The following MFAP3L variants were observed in gnomAD, a reference collection of about 807,000 sequenced individuals.
MFAP3L encodes microfibril associated protein 3 like.
Under a neutral mutation model 20.0 loss-of-function variants are expected in MFAP3L, and 5 were observed. The ratio of observed to expected loss-of-function variants is 0.25; its 90% CI spans 0.13 to 0.53. MFAP3L has a LOEUF of 0.53. MFAP3L is among the 20% of genes least tolerant of loss of function. The pLI is 0.96. For missense variants in MFAP3L, 409 were observed against 527.5 expected, an observed-to-expected ratio of 0.78 and a Z score of 2.20; for synonymous variants, 219 against 213.0, an observed-to-expected ratio of 1.03 and a Z score of -0.25.
intron 1 of MFAP3L, among the ~76,000 whole-genome samples, chr4:170,022,405 T>C (rs1196970716): frequency 1.3e-5 from 2 of 152,182 alleles, no homozygotes; most frequent in Admixed American, 1.3e-4. Context: ...TTCTCTATAA[T>C]AGGACAGAAT....
At chr4:170,008,574 G>A (rs1315019702) in intron 1 of MFAP3L, among the ~76,000 whole-genome samples, 1 of 152,162 alleles carries the variant, frequency 6.6e-6, no homozygotes, top group Non-Finnish European at 1.5e-5. Context: ...ATGTTCTCTA[G>A]GTGCTATGGG....
At chr4:170,006,115 C>CTTTTTT (rs11383582) in intron 1 of MFAP3L, 105 bp from the exon 2 acceptor site, 3 of 576,652 alleles carry the variant, frequency 5.2e-6, no homozygotes, top group African/African-American at 2.0e-5. Flanking sequence ...CATCAACATA[C>CTTTTTT]TTTTTTTTTT....
Position 170,005,620 on chromosome 4 carries a change from C to CTT in MFAP3L, c.256_257dup (p.Leu87SerfsTer3). The stretch of plus-strand genomic sequence containing the variant: ...TCTCATCCTCTTCTTCTTTCAGCAG[C>CTT]TTGCCAATGGAATTATACCACTTGA... On this transcript the variant is annotated frameshift_variant, in exon 2 of 3. Coordinates refer to ENST00000361618, the MANE Select transcript of MFAP3L (RefSeq NM_021647.8). LOFTEE classifies it high-confidence loss of function. 6.2e-7 allele frequency: 1 copy of CTT among 1,614,246 alleles called. No individual in the cohort carries two copies. Among genetic ancestry groups the CTT allele is most frequent in the Non-Finnish European group, 8.5e-7 (1 of 1,180,034 alleles).
chr4:170,020,623 C>A (rs555202924), intron 1 of MFAP3L, among the ~76,000 whole-genome samples: 2 of 124,314 alleles, frequency 1.6e-5, no homozygotes, highest in Non-Finnish European at 3.4e-5. Context: ...TCCCCCTCCC[C>A]CCTCCCTCCT....
Position 169,991,202 on chromosome 4 carries a change from T to C in MFAP3L, c.*176A>G. 1.5e-6 allele frequency: 1 copy of C among 654,416 alleles called. No individual in the cohort carries two copies. The highest frequency in any genetic ancestry group is 2.6e-6 in the Non-Finnish European group (1 of 386,226). 40.5% of individuals were successfully genotyped at this position (654,416 alleles called of 1,614,324 possible). On this transcript the variant is annotated 3_prime_UTR_variant, in exon 3 of 3. Transcript: ENST00000361618. This position sits in a 1 kb window ranked among gnomAD's most constrained non-coding sequence, Gnocchi z 4.9. ...TGATGTTTCTCGCACCCTTCTCTAC[T>C]GGGGAAATTCCAGTCCCATTCACTG...
At chr4:169,995,913 G>A (rs1738121641) in intron 2 of MFAP3L, among the ~76,000 whole-genome samples, 1 of 152,072 alleles carries the variant, frequency 6.6e-6, no homozygotes, top group Non-Finnish European at 1.5e-5. Context: ...CAGCCATCTC[G>A]CCATAACCTT....
chr4:170,013,106 ACTATTCT>A (rs948457311), intron 1 of MFAP3L, among the ~76,000 whole-genome samples: 2 of 152,204 alleles, frequency 1.3e-5, no homozygotes, highest in African/African-American at 4.8e-5. Context: ...ATATTAAGAA[ACTATTCT>A]TGAATCTCCA....
intron 1 of MFAP3L, among the ~76,000 whole-genome samples, chr4:170,010,789 C>A (rs1220399698): frequency 6.9e-6 from 1 of 144,582 alleles, no homozygotes; most frequent in African/African-American, 2.8e-5. Context: ...AAATTATACA[C>A]AGATTTCCCA....
At chr4:169,998,594 T>A (rs1422358833) in intron 2 of MFAP3L, among the ~76,000 whole-genome samples, 2 of 151,922 alleles carry the variant, frequency 1.3e-5, no homozygotes, top group African/African-American at 4.8e-5. Flanking sequence ...GAAAGCTGAC[T>A]GAAAAAAAAA....
At chr4:169,997,371 T>C (rs1217093766) in intron 2 of MFAP3L, among the ~76,000 whole-genome samples, 1 of 152,038 alleles carries the variant, frequency 6.6e-6, no homozygotes, top group Non-Finnish European at 1.5e-5. Context: ...ATACACCATA[T>C]TAAAGTTAAA....
intron 2 of MFAP3L, chr4:169,994,210 G>A: frequency 1.0e-6 from 1 of 985,388 alleles, no homozygotes; most frequent in Non-Finnish European, 1.2e-6. Flanking sequence ...CCTTTTGTTG[G>A]AAAATATAGC....
rs778729005 is a variant in MFAP3L, at chr4:170,005,694, T to C, written c.184A>G (p.Asn62Asp). The change falls in exon 2 of 3, where the codon AAC becomes GAC. Residue 62 changes from asparagine to aspartate, a missense_variant. Coordinates refer to ENST00000361618, the MANE Select transcript of MFAP3L (RefSeq NM_021647.8). ...RTDHIIVKEGNSALINCSVYG... is the reference protein window; with the variant it reads ...RTDHIIVKEGDSALINCSVYG... ...ACACTACAGTTAATCAAGGCACTGT[T>C]CCCTTCCTTGACTATGATATGGTCA... 6.2e-7 allele frequency: 1 copy of C among 1,614,232 alleles called. No homozygotes were observed. Among genetic ancestry groups the C allele is most frequent in the Non-Finnish European group, 8.5e-7 (1 of 1,180,052 alleles).
chr4:170,025,136 G>GA (rs1740269449), intron 1 of MFAP3L, among the ~76,000 whole-genome samples: 1 of 152,120 alleles, frequency 6.6e-6, no homozygotes, highest in Non-Finnish European at 1.5e-5. Flanking sequence ...AACCACACTG[G>GA]GACCTACAAA....
At chr4:169,997,005 G>A (rs953183756) in intron 2 of MFAP3L, among the ~76,000 whole-genome samples, 1 of 152,132 alleles carries the variant, frequency 6.6e-6, no homozygotes. Context: ...GATTAAATCA[G>A]TGGAGGAAAC....
intron 1 of MFAP3L, among the ~76,000 whole-genome samples, chr4:170,023,101 T>C (rs2111083071): frequency 6.6e-6 from 1 of 152,278 alleles, no homozygotes; most frequent in Middle Eastern, 3.4e-3. Flanking sequence ...GGGCATTCCT[T>C]AATGAAATAT....
intron 2 of MFAP3L, chr4:170,002,139 C>T (rs544514100): frequency 2.8e-5 from 27 of 978,658 alleles, no homozygotes; most frequent in Admixed American, 1.3e-4. Context: ...ACCTTGCTAT[C>T]GGTAGTGAGG....
chr4:170,009,133 C>T lies in MFAP3L; in HGVS notation c.-133-3123G>A, dbSNP rs1486130891. 2.6e-5 allele frequency among the ~76,000 whole-genome samples: 4 copies of T among 152,272 alleles called. No homozygotes were observed. In the South Asian group the frequency reaches 6.2e-4, roughly 24 times the overall value. ...GACATGGTGGCTCACGCCTGTAATC[C>T]TAGCACTTTGGGAGGCTGACGCAGG... On this transcript the variant is annotated intron_variant, in intron 1 of 2. Transcript: ENST00000361618.
At chr4:170,005,447 C>T (rs1308789398) in intron 2 of MFAP3L, 133 bp downstream of exon 2, 6 of 1,031,372 alleles carry the variant, frequency 5.8e-6, no homozygotes, top group Non-Finnish European at 8.5e-6. Context: ...TATATATTCT[C>T]TCCTGCCTTA....
chr4:170,015,634 A>G (rs1739653538), intron 1 of MFAP3L, among the ~76,000 whole-genome samples: 1 of 152,108 alleles, frequency 6.6e-6, no homozygotes, highest in Admixed American at 6.5e-5. Context: ...CCCCATTCAT[A>G]CCCTCTCCAG....
Sources: allele counts gnomAD v4.1 joint callset (sites outside exome capture counted in the v4.1 genomes callset), GRCh38; gene constraint gnomAD v4.1.1; non-coding constraint Gnocchi (gnomAD v3.1); transcripts MANE v1.5; gene names NCBI Gene and HGNC (gene_info 2026-07-23, HGNC 2026-07-21).